CTNND2: variants seen among roughly 807,000 people sequenced by gnomAD.
The protein encoded by CTNND2 is catenin delta-2.
Under a neutral mutation model 144.4 loss-of-function variants are expected in CTNND2, and 22 were observed. The observed-to-expected ratio is 0.15, with a 90% CI of 0.11 to 0.22. CTNND2 has a LOEUF of 0.22. Ranked by LOEUF, CTNND2 falls within the 10% of genes least tolerant of loss-of-function variation. CTNND2 has a pLI of 1.00. For missense variants in CTNND2, 1,353 were observed against 1,618.8 expected (o/e 0.84, Z 2.82); for synonymous variants, 751 against 695.6 (o/e 1.08, Z -1.25).
intron 3 of CTNND2, chr5:11,508,233 T>C (rs1420415220): frequency 1.3e-5 from 2 of 152,228 alleles, no homozygotes; most frequent in African/African-American, 2.4e-5. Flanking sequence ...CCTTTACTTA[T>C]GGACAAAACC....
chr5:11,713,348 A>G (rs1786143094), intron 2 of CTNND2, among the ~76,000 whole-genome samples: 1 of 152,102 alleles, frequency 6.6e-6, no homozygotes, highest in South Asian at 2.1e-4. Context: ...TGGGAGGCTG[A>G]GGCAGGAGGA....
chr5:11,428,142 C>G (rs1250248804), intron 3 of CTNND2, among the ~76,000 whole-genome samples: 1 of 152,102 alleles, frequency 6.6e-6, no homozygotes, highest in African/African-American at 2.4e-5. Context: ...CGTGGGAATT[C>G]TGGGAGACAC....
intron 1 of CTNND2, among the ~76,000 whole-genome samples, chr5:11,839,218 C>G (rs1240770118): frequency 6.6e-6 from 1 of 151,818 alleles, no homozygotes; most frequent in Non-Finnish European, 1.5e-5. Flanking sequence ...AATTGGTGAT[C>G]TAGTATCTAA....
intron 2 of CTNND2, among the ~76,000 whole-genome samples, chr5:11,614,329 G>C (rs1780477979): frequency 6.6e-6 from 1 of 152,118 alleles, no homozygotes; most frequent in Non-Finnish European, 1.5e-5. Context: ...CTTGTGGTAA[G>C]TCTGAAGAAA....
intron 2 of CTNND2, among the ~76,000 whole-genome samples, chr5:11,565,274 ATT>A (rs1339472099): frequency 6.6e-6 from 1 of 152,252 alleles, no homozygotes; most frequent in Non-Finnish European, 1.5e-5. Context: ...CAGTTTCATC[ATT>A]TGTAAAACAG....
chr5:11,336,291 C>G (rs2149723445), intron 9 of CTNND2, among the ~76,000 whole-genome samples: 1 of 152,260 alleles, frequency 6.6e-6, no homozygotes, highest in South Asian at 2.1e-4. Flanking sequence ...ACAGAACTGG[C>G]CAAGGTCTCT....
chr5:11,236,264 T>C (rs759256460), intron 10 of CTNND2, among the ~76,000 whole-genome samples: 1 of 152,228 alleles, frequency 6.6e-6, no homozygotes, highest in African/African-American at 2.4e-5. Flanking sequence ...ATCCTGTCAA[T>C]GAGTTCTTCA....
At chr5:11,854,473 A>AT (rs1561860562) in intron 1 of CTNND2, among the ~76,000 whole-genome samples, 4 of 152,176 alleles carry the variant, frequency 2.6e-5, no homozygotes, top group Non-Finnish European at 5.9e-5. Context: ...TCTGATATTT[A>AT]TTTACTTTAT....
At chr5:11,614,433 T>A (rs1032497535) in intron 2 of CTNND2, among the ~76,000 whole-genome samples, 1 of 152,206 alleles carries the variant, frequency 6.6e-6, no homozygotes, top group African/African-American at 2.4e-5. Context: ...AAAATGTGAA[T>A]CTACAGAATC....
rs150148196 is a variant in CTNND2 at position 11,614,064 on chromosome 5, A to T, written c.175-49008T>A. 4.5e-3 allele frequency among the ~76,000 whole-genome samples: 679 copies of T among 152,238 alleles called. 14 individuals carry two copies. Among genetic ancestry groups the T allele is most frequent in the African/African-American group, 0.016 (652 of 41,536 alleles). ...AATACTTTCAATAAAAAATTTTGAA[A>T]ATTCTTCCTTGACAATGGACATTTT... On this transcript the variant is annotated intron_variant, in intron 2 of 21. Transcript: ENST00000304623.
chr5:11,889,075 C>T (rs1320412657), intron 1 of CTNND2, among the ~76,000 whole-genome samples: 4 of 152,064 alleles, frequency 2.6e-5, no homozygotes, highest in South Asian at 2.1e-4. Flanking sequence ...AAATAGAAAC[C>T]TTTTCACGGC....
rs898366917 is a variant in CTNND2 at position 10,988,740 on chromosome 5, A to T, written c.3212-498T>A. Among the ~76,000 whole-genome samples, 6 of 152,192 alleles carry T rather than the reference A, an allele frequency of 3.9e-5. No individual in the cohort carries two copies. Among genetic ancestry groups the T allele is most frequent in the Non-Finnish European group, 5.9e-5 (4 of 68,044 alleles). On this transcript the variant is annotated intron_variant, in intron 19 of 21. Coordinates refer to ENST00000304623, the MANE Select transcript of CTNND2 (RefSeq NM_001332.4). This position sits in a 1 kb window ranked among gnomAD's most constrained non-coding sequence, Gnocchi z 5.9. ...ACTGAGTCACCTAGAAACTGCCTTT[A>T]AAAAAGTCAGAGGAAACAGCTCTCT...
chr5:11,844,044 C>G (rs1183369297), intron 1 of CTNND2, among the ~76,000 whole-genome samples: 1 of 152,166 alleles, frequency 6.6e-6, no homozygotes, highest in African/African-American at 2.4e-5. Context: ...CAAGCTCAAT[C>G]TGTTTATGAG....
At chr5:11,356,921 TA>T (rs1252526325) in intron 8 of CTNND2, among the ~76,000 whole-genome samples, 13 of 150,992 alleles carry the variant, frequency 8.6e-5, no homozygotes, top group South Asian at 2.1e-4. Context: ...AACAGGTATA[TA>T]AAAAAAATGC....
At chr5:11,530,694 G>A (rs1773674122) in intron 3 of CTNND2, among the ~76,000 whole-genome samples, 2 of 152,174 alleles carry the variant, frequency 1.3e-5, no homozygotes, top group Admixed American at 1.3e-4. Flanking sequence ...GAGGGGCAGA[G>A]CCTTAACAAT....
intron 9 of CTNND2, among the ~76,000 whole-genome samples, chr5:11,250,819 T>C (rs1743555376): frequency 6.6e-6 from 1 of 152,068 alleles, no homozygotes; most frequent in African/African-American, 2.4e-5. Context: ...ACCCAGCCCA[T>C]AGACCTTTAT....
chr5:11,346,677 G>C, intron 8 of CTNND2, 50 bp from the exon 9 acceptor site: 3 of 1,417,114 alleles, frequency 2.1e-6, no homozygotes, highest in Non-Finnish European at 2.8e-6. Flanking sequence ...CCTGCTCACA[G>C]AAATGGTTAA....
chr5:11,460,236 G>A (rs1766073051), intron 3 of CTNND2, among the ~76,000 whole-genome samples: 1 of 152,034 alleles, frequency 6.6e-6, no homozygotes, highest in South Asian at 2.1e-4. Flanking sequence ...CCAGATCACG[G>A]GACTACTGAC....
intron 9 of CTNND2, among the ~76,000 whole-genome samples, chr5:11,330,483 CAAAAA>C (rs10627159): frequency 1.8e-4 from 8 of 43,456 alleles, no homozygotes; most frequent in East Asian, 8.0e-4. Flanking sequence ...GACTCCGTCT[CAAAAA>C]AAAAAAAAAA....
Sources: allele counts gnomAD v4.1 joint callset (sites outside exome capture counted in the v4.1 genomes callset), GRCh38; gene constraint gnomAD v4.1.1; non-coding constraint Gnocchi (gnomAD v3.1); transcripts MANE v1.5; gene names NCBI Gene and HGNC (gene_info 2026-07-23, HGNC 2026-07-21).